CDC42SE2: variants seen among roughly 807,000 people sequenced by gnomAD.
CDC42SE2 encodes the protein CDC42 small effector protein 2.
CDC42SE2 carries 3 observed loss-of-function variants against 11.5 expected under a neutral mutation model. The ratio of observed to expected loss-of-function variants is 0.26; its 90% CI spans 0.12 to 0.67. The LOEUF is 0.67. Among genes scored for constraint, CDC42SE2 ranks in the 30% least tolerant of loss-of-function variants. The probability of loss-of-function intolerance (pLI) is 0.80; values close to 1 mark genes in which losing one functional copy is unlikely to be tolerated. For synonymous variants in CDC42SE2, 33 were observed against 34.8 expected (o/e 0.95, Z 0.18); for missense variants, 82 against 106.8 (o/e 0.77, Z 1.02).
intron 1 of CDC42SE2, among the ~76,000 whole-genome samples, chr5:131,300,452 C>T (rs925563648): frequency 1.7e-4 from 26 of 152,152 alleles, no homozygotes; most frequent in African/African-American, 5.5e-4. Context: ...AATTTATCAT[C>T]GAAACTGGAA....
At chr5:131,375,575 C>T (rs545410937) in intron 3 of CDC42SE2, among the ~76,000 whole-genome samples, 1 of 152,302 alleles carries the variant, frequency 6.6e-6, no homozygotes, top group African/African-American at 2.4e-5. Flanking sequence ...CTGAGGGCCA[C>T]TGCTGGCATT....
chr5:131,332,561 T>C lies in CDC42SE2; in HGVS notation c.-286+16417T>C, dbSNP rs1329921001. On this transcript the variant is annotated intron_variant, in intron 2 of 4. Transcript: ENST00000505065. Reference sequence around the variant, plus strand: ...TTGCCACACCAACTTCCACAATGGTTGAACTAGTTTACAGTCCCACCAACA... The same window carrying C: ...TTGCCACACCAACTTCCACAATGGTCGAACTAGTTTACAGTCCCACCAACA... Among the ~76,000 whole-genome samples, 7 of 152,146 alleles carry C rather than the reference T, an allele frequency of 4.6e-5. No homozygotes were observed. The East Asian group carries it at 1.2e-3, about 25-fold the overall frequency.
At chr5:131,367,171 T>C (rs1426153734) in intron 3 of CDC42SE2, among the ~76,000 whole-genome samples, 3 of 151,856 alleles carry the variant, frequency 2.0e-5, no homozygotes, top group Admixed American at 2.0e-4. Flanking sequence ...TATATATATG[T>C]GTGTGTATAT....
chr5:131,213,497 G>A, the CDC42SE2 span, among the ~76,000 whole-genome samples: 1 of 152,044 alleles, frequency 6.6e-6, no homozygotes, highest in African/African-American at 2.4e-5. Flanking sequence ...CACTCAGGGT[G>A]GAGTGCAGTG....
intron 3 of CDC42SE2, among the ~76,000 whole-genome samples, chr5:131,368,266 A>ACC (rs1749919750): frequency 6.6e-6 from 1 of 151,730 alleles, no homozygotes; most frequent in African/African-American, 2.4e-5. Flanking sequence ...AAAAAAAAAA[A>ACC]AAAAAAAGAA....
In CDC42SE2 at chr5:131,285,122, T is replaced by TA. The variant is rs543701383; in HGVS notation, c.-455+20956_-455+20957insA. 2.1e-4 allele frequency among the ~76,000 whole-genome samples: 31 copies of TA among 149,496 alleles called. No individual in the cohort carries two copies. In the South Asian group the frequency reaches 6.6e-3, roughly 32 times the overall value. On this transcript the variant is annotated intron_variant, in intron 1 of 4. Transcript: ENST00000505065. ...GGACAACATAAAAAAACCCTGTCTC[T>TA]GAAAAAAAAAAAAAATTGCCTGGTG...
intron 3 of CDC42SE2, among the ~76,000 whole-genome samples, chr5:131,383,366 CTG>C (rs2149787570): frequency 6.6e-6 from 1 of 152,310 alleles, no homozygotes; most frequent in African/African-American, 2.4e-5. Context: ...TTTTATGATT[CTG>C]TGGAACAGGG....
chr5:131,241,527 A>C (rs1210280943), upstream of CDC42SE2, among the ~76,000 whole-genome samples: 1 of 152,192 alleles, frequency 6.6e-6, no homozygotes, highest in East Asian at 1.9e-4. Context: ...TTTGTATAAA[A>C]GTCAACAAGT....
At chr5:131,341,128 C>G (rs1758702692) in intron 2 of CDC42SE2, among the ~76,000 whole-genome samples, 1 of 152,156 alleles carries the variant, frequency 6.6e-6, no homozygotes, top group Non-Finnish European at 1.5e-5. Flanking sequence ...GTTTAATTTT[C>G]ACAATAGTCC....
the CDC42SE2 span, among the ~76,000 whole-genome samples, chr5:131,213,453 G>A: frequency 9.2e-5 from 14 of 151,912 alleles, no homozygotes; most frequent in Middle Eastern, 3.4e-3. Flanking sequence ...CTTTATTATT[G>A]TTATTATTAT....
At chr5:131,347,756 T>C (rs543693226) in intron 2 of CDC42SE2, among the ~76,000 whole-genome samples, 1 of 152,270 alleles carries the variant, frequency 6.6e-6, no homozygotes. Context: ...CTCAATAAAA[T>C]ACTGGCAAAC....
intron 2 of CDC42SE2, among the ~76,000 whole-genome samples, chr5:131,347,735 A>G (rs888789765): frequency 3.9e-5 from 6 of 152,244 alleles, no homozygotes; most frequent in South Asian, 2.1e-4. Context: ...ATGAACATCA[A>G]TGCAAAAATC....
chr5:131,311,592 G>T (rs545856230), intron 1 of CDC42SE2, among the ~76,000 whole-genome samples: 3 of 152,296 alleles, frequency 2.0e-5, no homozygotes, highest in South Asian at 4.1e-4. Flanking sequence ...ATCAGACGTA[G>T]ATTTGGTCTT....
At chr5:131,339,163 G>A (rs1385156779) in intron 2 of CDC42SE2, among the ~76,000 whole-genome samples, 1 of 144,594 alleles carries the variant, frequency 6.9e-6, no homozygotes, top group Non-Finnish European at 1.5e-5. Flanking sequence ...CAGGAGAATT[G>A]CCTGAACCCA....
At position 131,367,558 on chromosome 5, in the gene CDC42SE2, GTATTGTTC is replaced by G. The variant is rs1448430097; in HGVS notation, c.54+8013_54+8020del. On this transcript the variant is annotated intron_variant, in intron 3 of 4. Coordinates refer to ENST00000505065, the MANE Select transcript of CDC42SE2 (RefSeq NM_001375635.1). ...CTGATGGGTAAGGTGGGATTTCATGGTATTGTTCTTTTCCGATTGCTAGTGAGGTTAAG... is the reference window on the plus strand; with the variant it reads ...CTGATGGGTAAGGTGGGATTTCATGGTTTTCCGATTGCTAGTGAGGTTAAG... 2.0e-5 allele frequency among the ~76,000 whole-genome samples: 3 copies of G among 152,190 alleles called. No homozygotes were observed. The East Asian group carries it at 5.8e-4, about 29-fold the overall frequency.
At chr5:131,371,856 A>G (rs1030276678) in intron 3 of CDC42SE2, among the ~76,000 whole-genome samples, 3 of 152,258 alleles carry the variant, frequency 2.0e-5, no homozygotes, top group Non-Finnish European at 2.9e-5. Context: ...GCAGTGTTTC[A>G]GTATTTCAGA....
chr5:131,292,450 C>A (rs1757476701), intron 1 of CDC42SE2, among the ~76,000 whole-genome samples: 1 of 150,458 alleles, frequency 6.6e-6, no homozygotes, highest in South Asian at 2.1e-4. Context: ...TGCCTGTAAT[C>A]CCAGCCACTT....
chr5:131,328,256 A>T (rs963693492), intron 2 of CDC42SE2, among the ~76,000 whole-genome samples: 1 of 148,202 alleles, frequency 6.7e-6, no homozygotes, highest in Non-Finnish European at 1.5e-5. Flanking sequence ...TCCTGTGTCC[A>T]GTGTCACTTT....
chr5:131,220,288 C>T, the CDC42SE2 span, among the ~76,000 whole-genome samples: 1 of 152,110 alleles, frequency 6.6e-6, no homozygotes, highest in Admixed American at 6.5e-5. Flanking sequence ...CTCACTGCAA[C>T]CTCCGTCTCC....
Sources: allele counts gnomAD v4.1 joint callset (sites outside exome capture counted in the v4.1 genomes callset), GRCh38; gene constraint gnomAD v4.1.1; transcripts MANE v1.5; gene names NCBI Gene and HGNC (gene_info 2026-07-23, HGNC 2026-07-21).